HPD: variants seen among roughly 807,000 people sequenced by gnomAD.
HPD encodes the protein 4-hydroxyphenylpyruvic acid oxidase.
In HPD, 35 loss-of-function variants were observed where a neutral mutation model predicts 56.9. The observed-to-expected ratio is 0.62, with a 90% confidence interval of 0.47 to 0.82. The LOEUF is 0.82. HPD is among the 40% of genes least tolerant of loss of function. The pLI, the probability that HPD is intolerant of heterozygous loss-of-function variation, is 0.00. For synonymous variants in HPD, 186 were observed against 200.2 expected (o/e 0.93, Z 0.60); for missense variants, 442 against 506.8 (o/e 0.87, Z 1.23).
intron 7 of HPD, 133 bp downstream of exon 7, chr12:121,854,570 G>A (rs1877924471): frequency 1.3e-6 from 1 of 772,166 alleles, no homozygotes; most frequent in Admixed American, 1.7e-5. Flanking sequence ...GGCAATACGG[G>A]GGACAGACTT....
intron 6 of HPD, 114 bp from the exon 7 acceptor site, chr12:121,854,906 C>A (rs1877939963): frequency 7.5e-6 from 6 of 800,476 alleles, no homozygotes; most frequent in Non-Finnish European, 1.3e-5. Flanking sequence ...CCAGTTTCTC[C>A]AGCCCCAGGT....
At position 121,839,796 on chromosome 12, in the gene HPD, C is replaced by G. The variant is rs1316404476; in HGVS notation, c.1114G>C (p.Glu372Gln). 1.9e-6 allele frequency: 3 copies of G among 1,614,216 alleles called. No homozygotes were observed. The highest frequency in any genetic ancestry group is 8.5e-7 in the Non-Finnish European group (1 of 1,180,030). ...GNFNSLFKAF[E>Q]EEQNLRGNLT... ...TTACCCCGCAGGTTCTGCTCCTCCT[C>G]GAAAGCCTTGAACAGTGAGTTGAAG... Residue 372 changes from glutamate to glutamine, a missense_variant, in exon 14 of 14, where the codon GAG becomes CAG. Coordinates refer to ENST00000289004, the MANE Select transcript of HPD (RefSeq NM_002150.3).
intron 7 of HPD, among the ~76,000 whole-genome samples, chr12:121,853,355 G>A (rs2620340): frequency 0.84 from 127,950 of 152,066 alleles, 53,926 homozygotes; most frequent in Middle Eastern, 0.9. Context: ...GAGGTGGGGC[G>A]CGGTGGCTCA....
At chr12:121,856,952 TG>T in intron 4 of HPD, 1 of 510,272 alleles carries the variant, frequency 2.0e-6, no homozygotes, top group Non-Finnish European at 3.5e-6. Context: ...GGGTCAGTGT[TG>T]GGCCAGGCTG....
upstream of HPD, among the ~76,000 whole-genome samples, chr12:121,862,872 A>G (rs1565881105): frequency 6.8e-6 from 1 of 147,966 alleles, no homozygotes; most frequent in Non-Finnish European, 1.5e-5. Flanking sequence ...AGTAGAGATG[A>G]GGTTTCACCG....
At chr12:121,873,069 T>C in the HPD span, among the ~76,000 whole-genome samples, 1 of 152,152 alleles carries the variant, frequency 6.6e-6, no homozygotes, top group Non-Finnish European at 1.5e-5. Flanking sequence ...GTAGGGATCA[T>C]GGGGATTGTC....
the HPD span, among the ~76,000 whole-genome samples, chr12:121,871,302 C>A: frequency 6.6e-6 from 1 of 151,764 alleles, no homozygotes; most frequent in Non-Finnish European, 1.5e-5. Context: ...GAGGTTGAGG[C>A]TACAGTGAGC....
chr12:121,882,173 C>T, the HPD span, among the ~76,000 whole-genome samples: 7 of 151,970 alleles, frequency 4.6e-5, no homozygotes, highest in Admixed American at 6.6e-5. Context: ...AGTCCAGACC[C>T]TTGTTTTATA....
At chr12:121,856,670 C>A (rs770478403) in intron 4 of HPD, 45 bp from the exon 5 acceptor site, 23 of 1,591,724 alleles carry the variant, frequency 1.4e-5, no homozygotes, top group Non-Finnish European at 1.8e-5. Context: ...CTCAGGGGGG[C>A]ATGGGGAGGT....
Position 121,858,713 on chromosome 12 carries a change from T to C in HPD, c.4A>G (p.Thr2Ala). Residue 2 changes from threonine (T) to alanine (A), a missense_variant and splice_region_variant, in exon 2 of 14, where the codon ACG (threonine) becomes GCG (alanine). Physicochemically the swap from Thr to Ala is moderately conservative, Grantham distance 58 (BLOSUM62 0). Coordinates refer to ENST00000289004, the MANE Select transcript of HPD (RefSeq NM_002150.3). M[T>A]TYSDKGAKPE... ...TTTGCCCCTTTGTCACTGTAAGTCG[T>C]CTAAGGAGAAAAAGAAGGACAGTGA... The C allele has an allele frequency of 2.5e-6, 4 of 1,614,080 alleles. No homozygotes were observed. Among genetic ancestry groups the C allele is most frequent in the Non-Finnish European group, 3.4e-6 (4 of 1,179,988 alleles).
At position 121,849,930 on chromosome 12, in the gene HPD, T is replaced by C; in HGVS notation, c.415-140A>G. ...AGATGCGTGATCTTGGGTAAGTCAC[T>C]TCTCCTTTCTGAAATGAATTGCAAT... On this transcript the variant is annotated intron_variant, in intron 7 of 13. Transcript: ENST00000289004. The C allele has an allele frequency of 2.9e-5, 20 of 685,518 alleles. No homozygotes were observed. In the South Asian group the frequency reaches 3.0e-4, roughly 10 times the overall value. The allele number at this position is 685,518 out of a possible 1,614,324, so 42.5% of individuals were successfully genotyped here. A position where few individuals can be genotyped will look rare whatever the true frequency, so the allele number is the denominator to read the frequency against.
At chr12:121,842,502 T>G (rs948896699) in intron 12 of HPD, among the ~76,000 whole-genome samples, 40 of 152,090 alleles carry the variant, frequency 2.6e-4, no homozygotes, top group African/African-American at 8.9e-4. Context: ...GATGGCTCAC[T>G]GTAGCCTCTA....
upstream of HPD, among the ~76,000 whole-genome samples, chr12:121,862,923 G>T (rs1474461531): frequency 6.6e-6 from 1 of 150,450 alleles, no homozygotes; most frequent in Non-Finnish European, 1.5e-5. Flanking sequence ...CTCGTGATTC[G>T]CTCGCCTTGG....
Position 121,855,972 on chromosome 12 carries a change from CAAAAA to C in HPD, c.324+347_324+351del, listed in dbSNP as rs57671436. Among the ~76,000 whole-genome samples, 82 of 65,338 alleles carry C rather than the reference CAAAAA, an allele frequency of 1.3e-3. No homozygotes were observed. The South Asian group carries it at 0.02, about 16-fold the overall frequency. 42.9% of individuals were successfully genotyped at this position (65,338 alleles called of 152,430 possible). ...GCAACAAGAGCAAAACTCCGTCTCA[CAAAAA>C]AAAAAAAAAAAAAAAAAGGAAATGG... On this transcript the variant is annotated intron_variant, in intron 6 of 13. Coordinates refer to ENST00000289004, the MANE Select transcript of HPD (RefSeq NM_002150.3).
At chr12:121,875,760 T>C in the HPD span, among the ~76,000 whole-genome samples, 1 of 152,070 alleles carries the variant, frequency 6.6e-6, no homozygotes, top group East Asian at 1.9e-4. Flanking sequence ...CATGAAGTCA[T>C]TGAACTTGGG....
intron 12 of HPD, among the ~76,000 whole-genome samples, chr12:121,843,322 A>G (rs1321400485): frequency 6.6e-6 from 1 of 152,186 alleles, no homozygotes; most frequent in South Asian, 2.1e-4. Flanking sequence ...TCTGTTCCTC[A>G]GACGCTCAGG....
chr12:121,867,658 T>A (rs555179793), upstream of HPD, among the ~76,000 whole-genome samples: 90 of 151,974 alleles, frequency 5.9e-4, no homozygotes, highest in African/African-American at 2.1e-3. Context: ...GGATTACAGG[T>A]GCACATCACC....
chr12:121,843,460 C>G (rs1040805663), intron 12 of HPD, among the ~76,000 whole-genome samples: 1 of 152,244 alleles, frequency 6.6e-6, no homozygotes, highest in African/African-American at 2.4e-5. Flanking sequence ...GAGGCCCTCC[C>G]TGACCAGTCT....
upstream of HPD, chr12:121,859,044 C>A: frequency 5.0e-6 from 3 of 604,240 alleles, no homozygotes; most frequent in Non-Finnish European, 8.9e-6. Flanking sequence ...GGGGCAGTGA[C>A]GTCCACTAGT....
Sources: allele counts gnomAD v4.1 joint callset (sites outside exome capture counted in the v4.1 genomes callset), GRCh38; gene constraint gnomAD v4.1.1; transcripts MANE v1.5; gene names NCBI Gene and HGNC (gene_info 2026-07-23, HGNC 2026-07-21).